PTPRM: variants seen among roughly 807,000 people sequenced by gnomAD.
The protein encoded by PTPRM is receptor-type tyrosine-protein phosphatase mu.
Under a neutral mutation model 186.7 loss-of-function variants are expected in PTPRM, and 47 were observed. The observed-to-expected ratio is 0.25, with a 90% CI of 0.20 to 0.32. The LOEUF is 0.32. Among genes scored for constraint, PTPRM ranks in the 10% least tolerant of loss-of-function variants. PTPRM has a pLI of 1.00. For synonymous variants in PTPRM, 668 were observed against 674.9 expected, an observed-to-expected ratio of 0.99 and a Z score of 0.16; for missense variants, 1,494 against 1,865.0, an observed-to-expected ratio of 0.80 and a Z score of 3.66.
chr18:7,972,618 A>C (rs897460636), intron 7 of PTPRM, among the ~76,000 whole-genome samples: 1 of 151,634 alleles, frequency 6.6e-6, no homozygotes, highest in Non-Finnish European at 1.5e-5. Context: ...ATGTATTGCT[A>C]TTTTGCTATT....
intron 20 of PTPRM, among the ~76,000 whole-genome samples, chr18:8,298,461 TGA>T (rs2095120042): frequency 6.6e-6 from 1 of 152,188 alleles, no homozygotes; most frequent in South Asian, 2.1e-4. Flanking sequence ...TTGGGTATGC[TGA>T]GAGATCCAGC....
At position 8,217,047 on chromosome 18, in the gene PTPRM, C is replaced by T. The variant is rs991765621; in HGVS notation, c.2301-27011C>T. Among the ~76,000 whole-genome samples the T allele has an allele frequency of 2.0e-5, 3 of 152,330 alleles. No homozygotes were observed. In the East Asian group the frequency reaches 5.8e-4, roughly 29 times the overall value. The stretch of plus-strand genomic sequence containing the variant: ...TTGAAACCCTCTTCCCTAGAAATTT[C>T]TATCTCTTTCATTTAATACTGTGGC... On this transcript the variant is annotated intron_variant, in intron 14 of 32. Coordinates refer to ENST00000580170, the MANE Select transcript of PTPRM (RefSeq NM_001105244.2).
intron 14 of PTPRM, among the ~76,000 whole-genome samples, chr18:8,195,905 C>T (rs1029800186): frequency 6.6e-6 from 1 of 151,982 alleles, no homozygotes; most frequent in Non-Finnish European, 1.5e-5. Flanking sequence ...AAAATAAAGA[C>T]AAAAAAATCA....
chr18:7,568,498 C>T lies in PTPRM; in HGVS notation c.73+607C>T, dbSNP rs1172311488. ...TCTGCGGAGAGGCTGGGGGGAGTTC[C>T]TCGCCGGTCCCAGCGGTAGGGCTTG... is the stretch of plus-strand genomic sequence containing the variant. On this transcript the variant is annotated intron_variant, in intron 1 of 32. Coordinates refer to ENST00000580170, the MANE Select transcript of PTPRM (RefSeq NM_001105244.2). This position sits in a 1 kb window ranked among gnomAD's most constrained non-coding sequence, Gnocchi z 5.1. Among the ~76,000 whole-genome samples, 4 of 152,076 alleles carry T rather than the reference C, an allele frequency of 2.6e-5. No homozygotes were observed. Among genetic ancestry groups the T allele is most frequent in the Non-Finnish European group, 5.9e-5 (4 of 67,978 alleles).
intron 18 of PTPRM, among the ~76,000 whole-genome samples, chr18:8,252,808 C>T (rs1040919666): frequency 6.6e-6 from 1 of 152,176 alleles, no homozygotes; most frequent in Non-Finnish European, 1.5e-5. Flanking sequence ...CCATTTTGTG[C>T]ACTTTTATTT....
intron 20 of PTPRM, 61 bp from the exon 21 acceptor site, chr18:8,314,720 T>C (rs2095295603): frequency 4.0e-6 from 5 of 1,262,170 alleles, no homozygotes; most frequent in Non-Finnish European, 5.7e-6. Context: ...ATTCTGGGGC[T>C]CAGAGCCACC....
intron 13 of PTPRM, chr18:8,122,466 T>C (rs2092210016): frequency 6.6e-6 from 1 of 152,240 alleles, no homozygotes; most frequent in African/African-American, 2.4e-5. Flanking sequence ...TTAAATTAAG[T>C]GACATGCTTG....
chr18:8,250,589 C>T (rs2094519085), intron 17 of PTPRM, among the ~76,000 whole-genome samples: 1 of 151,790 alleles, frequency 6.6e-6, no homozygotes. Context: ...AGACCAGCCT[C>T]CGCAACATAA....
chr18:8,353,005 A>G (rs918802265), intron 23 of PTPRM, among the ~76,000 whole-genome samples: 12 of 152,096 alleles, frequency 7.9e-5, no homozygotes, highest in African/African-American at 2.7e-4. Context: ...GAAAATGTGT[A>G]TATACCACAT....
At chr18:8,154,077 A>C (rs1481534872) in intron 14 of PTPRM, among the ~76,000 whole-genome samples, 1 of 152,196 alleles carries the variant, frequency 6.6e-6, no homozygotes, top group African/African-American at 2.4e-5. Flanking sequence ...GCTCTTCCCC[A>C]GGCTCTCTCA....
intron 4 of PTPRM, among the ~76,000 whole-genome samples, chr18:7,917,764 G>A (rs2050645516): frequency 6.8e-6 from 1 of 146,366 alleles, no homozygotes; most frequent in Non-Finnish European, 1.5e-5. Flanking sequence ...TGATCTTCAA[G>A]CACTAAGTTT....
At chr18:8,390,465 T>A (rs1403966434) in intron 31 of PTPRM, among the ~76,000 whole-genome samples, 2 of 152,248 alleles carry the variant, frequency 1.3e-5, no homozygotes, top group Middle Eastern at 3.4e-3. Flanking sequence ...AAGATGGCAA[T>A]AAGAGGGTGA....
At chr18:7,751,741 C>G (rs1356350452) in intron 1 of PTPRM, among the ~76,000 whole-genome samples, 1 of 152,180 alleles carries the variant, frequency 6.6e-6, no homozygotes, top group Non-Finnish European at 1.5e-5. Context: ...TGCACACTAC[C>G]AGGCACCTAA....
intron 3 of PTPRM, 138 bp from the exon 4 acceptor site, chr18:7,906,367 A>G (rs1329618986): frequency 2.9e-6 from 2 of 685,662 alleles, no homozygotes; most frequent in Admixed American, 2.4e-5. Flanking sequence ...AACCTGGAAC[A>G]TTGACTAGCA....
In PTPRM at chr18:8,406,184, C is replaced by T; in HGVS notation, c.*22C>T. The T allele has an allele frequency of 6.2e-7, 1 of 1,608,012 alleles. No homozygotes were observed. On this transcript the variant is annotated 3_prime_UTR_variant, in exon 33 of 33. Transcript: ENST00000580170. ...CTGATGGTGTAAACAGCTCTGCAAA[C>T]AATCCCTTTCATACCACAAAGCCAA... is the stretch of plus-strand genomic sequence containing the variant.
chr18:7,707,899 G>A (rs1018541233), intron 1 of PTPRM, among the ~76,000 whole-genome samples: 3 of 152,122 alleles, frequency 2.0e-5, no homozygotes, highest in African/African-American at 7.2e-5. Context: ...CAAAGTCCCT[G>A]CCACTACAAT....
chr18:7,676,747 A>G (rs2039352586), intron 1 of PTPRM, among the ~76,000 whole-genome samples: 1 of 151,934 alleles, frequency 6.6e-6, no homozygotes, highest in African/African-American at 2.4e-5. Flanking sequence ...TAAAGATTTA[A>G]TTGTACAAAT....
intron 2 of PTPRM, among the ~76,000 whole-genome samples, chr18:7,782,979 T>C (rs1044509093): frequency 6.6e-6 from 1 of 152,236 alleles, no homozygotes; most frequent in Admixed American, 6.5e-5. Context: ...AGCTGTGTTT[T>C]AAATATTTGC....
chr18:8,017,274 C>T (rs930491191), intron 7 of PTPRM, among the ~76,000 whole-genome samples: 4 of 152,076 alleles, frequency 2.6e-5, no homozygotes, highest in Non-Finnish European at 4.4e-5. Context: ...CGTGGTGGCT[C>T]ATGCCTGTAG....
Sources: gnomAD v4.1 joint callset for allele counts (sites outside exome capture counted in the v4.1 genomes callset) on GRCh38, gnomAD v4.1.1 for gene constraint, Gnocchi (gnomAD v3.1) non-coding constraint, MANE v1.5 for transcripts, NCBI Gene and HGNC (gene_info 2026-07-23, HGNC 2026-07-21) for gene names.